Variants in ROBO2 observed in about 807,000 individuals in gnomAD.
ROBO2 encodes the protein roundabout homolog 2.
In ROBO2, 53 loss-of-function variants were observed where a neutral mutation model predicts 160.8. That is an observed-to-expected ratio of 0.33 (90% confidence interval 0.26 to 0.41). ROBO2 has a LOEUF of 0.41. Ranked by LOEUF, ROBO2 falls within the 10% of genes least tolerant of loss-of-function variation. ROBO2 has a pLI of 1.00. For synonymous variants in ROBO2, 664 were observed against 611.7 expected, an observed-to-expected ratio of 1.09 and a Z score of -1.26; for missense variants, 1,577 against 1,722.4, an observed-to-expected ratio of 0.92 and a Z score of 1.49.
At chr3:77,039,350 C>G (rs1178867701), upstream of ROBO2, among the ~76,000 whole-genome samples, 1 of 152,170 alleles carries the variant, frequency 6.6e-6, no homozygotes. Context: ...GATTTTAACG[C>G]GTAATGAGGC....
At position 77,517,911 on chromosome 3, in the gene ROBO2, C is replaced by A. The variant is rs143779228; in HGVS notation, c.807-4864C>A. Among the ~76,000 whole-genome samples, 122 of 151,526 alleles carry A rather than the reference C, an allele frequency of 8.1e-4. 1 individual carries two copies. Among genetic ancestry groups the A allele is most frequent in the African/African-American group, 2.8e-3 (118 of 41,432 alleles). On this transcript the variant is annotated intron_variant, in intron 5 of 25. Transcript: ENST00000461745. ...TAGTGTATTTGTAGTTCAGTGCCAT[C>A]TGTGGCTTCAGGCATCTACTAAGAG... is the stretch of plus-strand genomic sequence containing the variant.
At chr3:76,524,483 C>T (rs764512103) in intron 2 of ROBO2, among the ~76,000 whole-genome samples, 57 of 151,684 alleles carry the variant, frequency 3.8e-4, no homozygotes, top group Middle Eastern at 3.4e-3. Context: ...AAGGTGAGGG[C>T]GACAATTTTT....
At chr3:77,016,444 T>A (rs1359753364) in intron 2 of ROBO2, among the ~76,000 whole-genome samples, 1 of 152,134 alleles carries the variant, frequency 6.6e-6, no homozygotes, top group East Asian at 1.9e-4. Flanking sequence ...TTTCCCTATC[T>A]TCGTATGCAT....
intron 2 of ROBO2, among the ~76,000 whole-genome samples, chr3:77,304,281 A>G (rs2153415716): frequency 1.3e-5 from 2 of 152,320 alleles, no homozygotes; most frequent in Admixed American, 1.3e-4. Context: ...TTAATAGTTT[A>G]AAACAAAAAA....
At chr3:76,487,268 C>T (rs557079381) in intron 2 of ROBO2, among the ~76,000 whole-genome samples, 5 of 152,066 alleles carry the variant, frequency 3.3e-5, no homozygotes, top group African/African-American at 1.2e-4. Context: ...GAGTGAGCCA[C>T]TGCACCCAGC....
intron 2 of ROBO2, among the ~76,000 whole-genome samples, chr3:76,185,213 T>TATATATATATATATATATATATAA (rs1553669747): frequency 1.2e-5 from 1 of 82,924 alleles, no homozygotes; most frequent in African/African-American, 3.7e-5. Context: ...TATATATATA[T>TATATATATATATATATATATATAA]ATACACACAC....
intron 2 of ROBO2, among the ~76,000 whole-genome samples, chr3:76,143,131 A>G (rs949664249): frequency 3.3e-5 from 5 of 151,870 alleles, no homozygotes; most frequent in Non-Finnish European, 7.4e-5. Context: ...GGCCCAAGTG[A>G]TTTTCCCACC....
chr3:77,055,707 C>G (rs2065673361), intron 1 of ROBO2, among the ~76,000 whole-genome samples: 1 of 152,130 alleles, frequency 6.6e-6, no homozygotes, highest in Non-Finnish European at 1.5e-5. Context: ...ATTTTTGACC[C>G]TGAGGAACTA....
At chr3:76,390,967 A>G (rs1400950162) in intron 2 of ROBO2, among the ~76,000 whole-genome samples, 1 of 152,188 alleles carries the variant, frequency 6.6e-6, no homozygotes, top group Non-Finnish European at 1.5e-5. Flanking sequence ...TATCTTGGTA[A>G]TGTGGACCAT....
At chr3:77,214,525 C>A (rs1474134966) in intron 2 of ROBO2, among the ~76,000 whole-genome samples, 1 of 152,186 alleles carries the variant, frequency 6.6e-6, no homozygotes, top group Non-Finnish European at 1.5e-5. Context: ...GGTCTTGACT[C>A]TTTATCGAAT....
chr3:77,596,106 G>C (rs554373938), intron 18 of ROBO2, among the ~76,000 whole-genome samples: 2 of 151,976 alleles, frequency 1.3e-5, no homozygotes, highest in East Asian at 3.9e-4. Context: ...TTTAGAACTT[G>C]GAAATGTGCT....
chr3:77,157,409 A>G (rs1560127383), intron 2 of ROBO2, among the ~76,000 whole-genome samples: 1 of 152,090 alleles, frequency 6.6e-6, no homozygotes, highest in Non-Finnish European at 1.5e-5. Context: ...ATTTTACTTC[A>G]TTATGGCAGC....
chr3:76,381,492 GACACGTGC>G (rs2076619173), intron 2 of ROBO2, among the ~76,000 whole-genome samples: 2 of 152,008 alleles, frequency 1.3e-5, no homozygotes, highest in Non-Finnish European at 2.9e-5. Context: ...TGGGACTACA[GACACGTGC>G]CACCGCGCCC....
rs12491092 is a variant in ROBO2, at chr3:77,116,493, G to A, written c.388+18153G>A. On this transcript the variant is annotated intron_variant, in intron 2 of 25. Transcript: ENST00000461745. ...TCACATGGCTTGAGAACTGTGTGATGTAGCCCTTCCTTGGCTCCTTCTCCA... is the reference window on the plus strand; with the variant it reads ...TCACATGGCTTGAGAACTGTGTGATATAGCCCTTCCTTGGCTCCTTCTCCA... 1.2e-3 allele frequency among the ~76,000 whole-genome samples: 179 copies of A among 152,242 alleles called. 2 individuals carry two copies. The highest frequency in any genetic ancestry group is 3.4e-3 in the Middle Eastern group (1 of 294).
chr3:76,948,860 A>G lies in ROBO2; in HGVS notation c.110-149154A>G, dbSNP rs559830515. Among the ~76,000 whole-genome samples the G allele has an allele frequency of 6.0e-4, 78 of 129,836 alleles. 1 individual carries two copies. Among genetic ancestry groups the G allele is most frequent in the African/African-American group, 2.2e-3 (73 of 32,740 alleles). The allele number at this position is 129,836 out of a possible 152,430, so 85.2% of individuals were successfully genotyped here. On this transcript the variant is annotated intron_variant, in intron 2 of 26. Coordinates refer to the ROBO2 transcript ENST00000487694. ...ACTGGGATTACAGGTGCCCGCCACC[A>G]CACCCGGCTAATTTTATATATATAT...
intron 16 of ROBO2, among the ~76,000 whole-genome samples, chr3:77,583,152 CAAAAAA>C (rs56827523): frequency 2.8e-4 from 15 of 53,762 alleles, no homozygotes; most frequent in Admixed American, 2.4e-3. Flanking sequence ...TCTGTCTCTC[CAAAAAA>C]AAAAAAAAAA....
intron 1 of ROBO2, among the ~76,000 whole-genome samples, chr3:75,936,028 T>C (rs1947763917): frequency 6.6e-6 from 1 of 152,226 alleles, no homozygotes; most frequent in Non-Finnish European, 1.5e-5. Context: ...TTTAGCACAG[T>C]AAAATAACCT....
chr3:77,273,208 C>A (rs962853999), intron 2 of ROBO2, among the ~76,000 whole-genome samples: 1 of 152,000 alleles, frequency 6.6e-6, no homozygotes. Flanking sequence ...AAATGTGGCA[C>A]ATATACACTA....
chr3:76,706,439 G>A (rs1315904654), intron 2 of ROBO2, among the ~76,000 whole-genome samples: 1 of 152,002 alleles, frequency 6.6e-6, no homozygotes, highest in Non-Finnish European at 1.5e-5. Flanking sequence ...TTTGAGGTTG[G>A]AAAGGAATAA....
Sources: gnomAD v4.1 joint callset for allele counts (sites outside exome capture counted in the v4.1 genomes callset) on GRCh38, gnomAD v4.1.1 for gene constraint, MANE v1.5 for transcripts, NCBI Gene and HGNC (gene_info 2026-07-23, HGNC 2026-07-21) for gene names.